The following NXF3 variants were observed in gnomAD, a reference collection of about 807,000 sequenced individuals.
The protein encoded by NXF3 is TAP-like protein 3.
A neutral mutation model predicts 48.4 loss-of-function variants in NXF3; 34 were observed. The observed-to-expected ratio is 0.70, with a 90% confidence interval of 0.53 to 0.93. The LOEUF (loss-of-function observed/expected upper bound fraction) is 0.93. Ranked by LOEUF, NXF3 falls within the 40% of genes least tolerant of loss-of-function variation. The probability of loss-of-function intolerance (pLI) is 0.00; values close to 1 mark genes in which losing one functional copy is unlikely to be tolerated. For synonymous variants in NXF3, 132 were observed against 145.7 expected (o/e 0.91, Z 0.68); for missense variants, 359 against 406.1 (o/e 0.88, Z 1.00).
At chrX:103,084,651 A>G in intron 2 of NXF3, 64 bp downstream of exon 2, 1 of 1,146,705 alleles carries the variant, frequency 8.7e-7, no homozygotes, top group Middle Eastern at 2.4e-4. Context: ...TGACATATTC[A>G]GCTACAGAGT....
At position 103,078,617 on chromosome X, in the gene NXF3, T is replaced by C. The variant is rs1921930065; in HGVS notation, c.1394A>G (p.Gln465Arg). The C allele has an allele frequency of 8.3e-7, 1 of 1,210,430 alleles. No individual in the cohort carries two copies. The highest frequency in any genetic ancestry group is 2.2e-5 in the Admixed American group (1 of 45,808). The change falls in exon 17 of 20, where the codon CAG becomes CGG. Residue 465 changes from glutamine to arginine, a missense_variant. By Grantham distance (43) the Gln-to-Arg change is conservative. Coordinates refer to ENST00000395065, the MANE Select transcript of NXF3 (RefSeq NM_022052.2). ...CCGGGTGAAGGCGAGAACAGAACCC[T>C]GAGACTGTCCTTCCACTTCAAAGAC... ...GVFKEVEGQS[Q>R]GSVLAFTRTF...
At position 103,077,513 on chromosome X, in the gene NXF3, A is replaced by G. The variant is rs1317906126; in HGVS notation, c.1584+101T>C. On this transcript the variant is annotated intron_variant, in intron 18 of 19. Coordinates refer to ENST00000395065, the MANE Select transcript of NXF3 (RefSeq NM_022052.2). ...GTGATTCGCCCGCCTCGGCCTCCCA[A>G]AGTGCTGGGATTACAGGCGTGAGCC... 3.0e-6 allele frequency: 3 copies of G among 989,536 alleles called. No individual in the cohort carries two copies. In the Admixed American group the frequency reaches 7.5e-5, roughly 25 times the overall value. The allele number at this position is 989,536 out of a possible 1,213,427, so 81.5% of individuals were successfully genotyped here. A position where few individuals can be genotyped will look rare whatever the true frequency, so the allele number is the denominator to read the frequency against.
At chrX:103,081,948 A>G in intron 9 of NXF3, 1 of 291,798 alleles carries the variant, frequency 3.4e-6, no homozygotes, top group Non-Finnish European at 6.2e-6. Context: ...CAGCACCTGA[A>G]TACTGCTGGT....
intron 1 of NXF3, chrX:103,089,176 G>A: frequency 1.4e-6 from 1 of 717,431 alleles, no homozygotes; most frequent in Non-Finnish European, 2.2e-6. Context: ...TGCTCAGTTT[G>A]TGGCAAAACA....
chrX:103,077,789 C>A, intron 17 of NXF3, 43 bp from the exon 18 acceptor site: 2 of 1,190,375 alleles, frequency 1.7e-6, no homozygotes, highest in Non-Finnish European at 2.3e-6. Flanking sequence ...GAGAAGGACA[C>A]CTCCCCACCC....
Position 103,082,843 on chromosome X carries a change from C to T in NXF3, c.697G>A (p.Val233Met). 1 of 1,207,599 alleles carries T rather than the reference C, an allele frequency of 8.3e-7. No homozygotes were observed. The highest frequency in any genetic ancestry group is 1.1e-6 in the Non-Finnish European group (1 of 891,846). The stretch of plus-strand genomic sequence containing the variant: ...GATGCCATCTTAGTATCACGGTTCA[C>T]CATGTCTCCAGAAAGCAGAGAGGAG... The part of the protein sequence containing the change: ...IQRLPFYPDM[V>M]NRDTKMASNP... Residue 233 changes from valine (V) to methionine (M), a missense_variant, in exon 8 of 20, where the codon GTG (valine) becomes ATG (methionine). Coordinates refer to ENST00000395065, the MANE Select transcript of NXF3 (RefSeq NM_022052.2).
At chrX:103,080,555 A>G (rs746814789) in intron 10 of NXF3, 21 bp downstream of exon 10, 11 of 1,200,283 alleles carry the variant, frequency 9.2e-6, no homozygotes, top group South Asian at 1.8e-5. Flanking sequence ...AGGAAAGTCA[A>G]TGATCAAGGA....
At chrX:103,092,641 C>T (rs761286226) in intron 1 of NXF3, among the ~76,000 whole-genome samples, 1 of 113,120 alleles carries the variant, frequency 8.8e-6, no homozygotes, top group South Asian at 3.6e-4. Flanking sequence ...AAGTCATATG[C>T]TGGGCCATAA....
chrX:103,087,562 G>T, intron 1 of NXF3: 1 of 975,481 alleles, frequency 1.0e-6, no homozygotes, highest in South Asian at 1.9e-5. Flanking sequence ...GGCCAAACAA[G>T]AAAAGTCAAC....
chrX:103,083,256 G>T lies in NXF3; in HGVS notation c.558C>A (p.Asn186Lys), dbSNP rs139284423. Residue 186 changes from asparagine (N) to lysine (K), a missense_variant, in exon 6 of 20, where the codon AAC becomes AAA. By Grantham distance (94) the Asn-to-Lys change is moderately conservative. Transcript: ENST00000395065. ...GCACAAAGTGGGGTATGCCAGCAGGGTTGACAAAGATTGATATCTGCAGAG... is the reference window on the plus strand; with the variant it reads ...GCACAAAGTGGGGTATGCCAGCAGGTTTGACAAAGATTGATATCTGCAGAG... ...EDNEKISIFV[N>K]PAGIPHFVHR... The T allele has an allele frequency of 3.0e-5, 36 of 1,208,796 alleles. No homozygotes were observed. The highest frequency in any genetic ancestry group is 3.8e-5 in the Non-Finnish European group (34 of 894,749).
chrX:103,086,269 G>A (rs1922152974), intron 1 of NXF3, among the ~76,000 whole-genome samples: 1 of 111,224 alleles, frequency 9.0e-6, no homozygotes, highest in African/African-American at 3.3e-5. Flanking sequence ...AAATTAGCCG[G>A]GGGTGGTGGC....
At chrX:103,089,073 C>T in intron 1 of NXF3, 1 of 1,061,529 alleles carries the variant, frequency 9.4e-7, no homozygotes, top group Non-Finnish European at 1.3e-6. Flanking sequence ...TGATGTCTTC[C>T]TGTACCGACG....
chrX:103,092,119 G>A (rs1922292676), intron 1 of NXF3, among the ~76,000 whole-genome samples: 1 of 110,830 alleles, frequency 9.0e-6, no homozygotes, highest in African/African-American at 3.3e-5. Flanking sequence ...TCTTTAAAGA[G>A]AACTAGAAGA....
At chrX:103,089,653 A>G (rs1027111634) in intron 1 of NXF3, among the ~76,000 whole-genome samples, 4 of 111,895 alleles carry the variant, frequency 3.6e-5, no homozygotes, top group Non-Finnish European at 7.5e-5. Flanking sequence ...AAAGACCGAG[A>G]GGCAAAAATT....
chrX:103,092,920 G>A (rs1318103091), intron 1 of NXF3, 76 bp downstream of exon 1: 9 of 1,001,534 alleles, frequency 9.0e-6, no homozygotes, highest in Admixed American at 2.2e-5. Flanking sequence ...TGTGGGTTAG[G>A]GTAAGGTGGG....
intron 1 of NXF3, among the ~76,000 whole-genome samples, chrX:103,091,933 C>T (rs1347900831): frequency 6.0e-5 from 6 of 100,148 alleles, no homozygotes; most frequent in Admixed American, 4.6e-4. Context: ...CGCAGTGAGC[C>T]GAGATTGTGC....
At chrX:103,080,975 T>G in intron 9 of NXF3, 3 of 217,263 alleles carry the variant, frequency 1.4e-5, no homozygotes, top group Admixed American at 6.8e-5. Context: ...GGGAGGTGAG[T>G]GACGCAGGCT....
In NXF3 at chrX:103,082,276, G is replaced by A. The variant is rs373464691; in HGVS notation, c.869C>T (p.Ser290Leu). The change falls in exon 9 of 20, where the codon TCG becomes TTG. Residue 290 changes from serine to leucine, a missense_variant. Ser to Leu is a moderately radical substitution (Grantham distance 145). Transcript: ENST00000395065. ...ADRSPVCTTFSDTSSNINSIL... is the reference protein window; with the variant it reads ...ADRSPVCTTFLDTSSNINSIL... ...TGACTTTATGTTGCTGGAGGTATCC[G>A]AGAAGGTCGTGCACACTGGGCTTCT... 7 of 1,203,638 alleles carry A rather than the reference G, an allele frequency of 5.8e-6. No individual in the cohort carries two copies. In the African/African-American group the frequency reaches 1.1e-4, roughly 18 times the overall value.
In NXF3 at chrX:103,088,645, G is replaced by A. The variant is rs1922209453; in HGVS notation, c.29-3762C>T. ...AGATATGTCTCTGTGACAAATGTGA[G>A]AAGGTATTTCCTTCTGTATCCAAAC... On this transcript the variant is annotated intron_variant, in intron 1 of 19. Coordinates refer to ENST00000395065, the MANE Select transcript of NXF3 (RefSeq NM_022052.2). 4 of 946,037 alleles carry A rather than the reference G, an allele frequency of 4.2e-6. No individual in the cohort carries two copies. In the East Asian group the frequency reaches 1.2e-4, roughly 29 times the overall value. 78.0% of individuals were successfully genotyped at this position (946,037 alleles called of 1,213,427 possible).
Sources: gnomAD v4.1 joint callset for allele counts (sites outside exome capture counted in the v4.1 genomes callset) on GRCh38, gnomAD v4.1.1 for gene constraint, MANE v1.5 for transcripts, NCBI Gene and HGNC (gene_info 2026-07-23, HGNC 2026-07-21) for gene names.